Variants in CNNM1 observed in about 807,000 individuals in gnomAD.
CNNM1 encodes metal transporter CNNM1.
In CNNM1, 44 loss-of-function variants were observed where a neutral mutation model predicts 78.8. That is an observed-to-expected ratio of 0.56 (90% CI 0.44 to 0.72). CNNM1 has a LOEUF of 0.72. Among genes scored for constraint, CNNM1 ranks in the 30% least tolerant of loss-of-function variants. The pLI is 0.00. For missense variants in CNNM1, 1,101 were observed against 1,292.2 expected (o/e 0.85, Z 2.27); for synonymous variants, 584 against 581.5 (o/e 1.00, Z -0.06).
intron 1 of CNNM1, among the ~76,000 whole-genome samples, chr10:99,335,208 A>G (rs1213516737): frequency 2.6e-5 from 4 of 152,228 alleles, no homozygotes; most frequent in African/African-American, 9.6e-5. Context: ...AAACATTTCT[A>G]TATACCTTCT....
rs762049704 is a variant in CNNM1 at position 99,330,638 on chromosome 10, C to A, written c.1251C>A (p.Ile417=). 3.7e-6 allele frequency: 6 copies of A among 1,613,952 alleles called. No individual in the cohort carries two copies. The highest frequency in any genetic ancestry group is 5.1e-6 in the Non-Finnish European group (6 of 1,179,872). ...YSDLVKEELN[I]IQGALELRTK... is the part of the protein sequence containing the mutation. ...ACCTGGTGAAGGAGGAGCTCAACAT[C>A]ATACAGGGTGCCCTGGAGCTGCGCA... The change falls in exon 1 of 11, where the codon ATC becomes ATA. Residue 417 remains isoleucine (I), a synonymous_variant. Transcript: ENST00000356713.
At chr10:99,365,419 G>C (rs41444048) in intron 6 of CNNM1, among the ~76,000 whole-genome samples, 8,476 of 152,284 alleles carry the variant, frequency 0.056, 798 homozygotes, top group African/African-American at 0.19. Context: ...TCCTCAGTAA[G>C]AAGTGACTGC....
At chr10:99,330,994 A>G in intron 1 of CNNM1, 34 bp downstream of exon 1, 2 of 1,566,374 alleles carry the variant, frequency 1.3e-6, no homozygotes, top group Non-Finnish European at 1.7e-6. Context: ...CCCAACTCCT[A>G]TCCCCTTCAA....
At chr10:99,382,354 G>A (rs1384353051) in intron 7 of CNNM1, among the ~76,000 whole-genome samples, 7 of 152,178 alleles carry the variant, frequency 4.6e-5, no homozygotes, top group African/African-American at 1.4e-4. Context: ...AGACTACTTG[G>A]CAGATGTCTT....
At chr10:99,377,284 A>G (rs536553372) in intron 7 of CNNM1, 66 bp downstream of exon 7, 3 of 1,465,526 alleles carry the variant, frequency 2.0e-6, no homozygotes, top group South Asian at 2.4e-5. Flanking sequence ...GAGCGGGACA[A>G]GAAGACTACC....
At position 99,387,827 on chromosome 10, in the gene CNNM1, G is replaced by A. The variant is rs773406371; in HGVS notation, c.2348G>A (p.Arg783Gln). The change falls in exon 8 of 11, where the codon CGG (arginine) becomes CAG (glutamine). Residue 783 changes from arginine (R) to glutamine (Q), a missense_variant. This residue lies in a region of CNNM1 where 348 missense variants were observed against 384.5 expected (regional missense o/e 0.90). Coordinates refer to ENST00000356713, the MANE Select transcript of CNNM1 (RefSeq NM_020348.3). The part of the protein sequence containing the change: ...LSDVQFVKIT[R>Q]QQYQNALTAC... ...CTGCCCTCTTCCTTCCAGATCACAC[G>A]GCAGCAATATCAGAACGCACTCACT... is the stretch of plus-strand genomic sequence containing the variant. The A allele has an allele frequency of 4.4e-6, 7 of 1,598,668 alleles. No homozygotes were observed. The highest frequency in any genetic ancestry group is 2.2e-5 in the East Asian group (1 of 44,720).
At position 99,387,905 on chromosome 10, in the gene CNNM1, A is replaced by G; in HGVS notation, c.2426A>G (p.Asp809Gly). The stretch of plus-strand genomic sequence containing the variant: ...TCCCCTGACATGGAGGCCTTCACAG[A>G]CGGGGACTCCACTAAGGCCCCCACA... ...PQSPDMEAFT[D>G]GDSTKAPTTR... Residue 809 changes from aspartate to glycine, a missense_variant, in exon 8 of 11, where the codon GAC becomes GGC. Physicochemically the swap from Asp to Gly is moderately conservative, Grantham distance 94. Around this residue, in one of 3 missense-constraint regions of CNNM1, gnomAD observed 348 missense variants for 384.5 expected, o/e 0.90. Transcript: ENST00000356713. 6.2e-7 allele frequency: 1 copy of G among 1,613,762 alleles called. No homozygotes were observed. The highest frequency in any genetic ancestry group is 8.5e-7 in the Non-Finnish European group (1 of 1,179,816).
rs532854556 is a variant in CNNM1, at chr10:99,373,549, A to G, written c.2177-3506A>G. Among the ~76,000 whole-genome samples the G allele has an allele frequency of 1.4e-3, 211 of 152,346 alleles. 1 individual carries two copies. The highest frequency in any genetic ancestry group is 4.9e-3 in the African/African-American group (202 of 41,590). On this transcript the variant is annotated intron_variant, in intron 6 of 10. Coordinates refer to ENST00000356713, the MANE Select transcript of CNNM1 (RefSeq NM_020348.3). ...AATGGGTCTGGCCAAGCCAGAACTC[A>G]TCAATTTGCTTTCTCTTTTCTTCTT... is the stretch of plus-strand genomic sequence containing the variant.
rs566656565 is a variant in CNNM1, at chr10:99,369,658, T to C, written c.2176+4656T>C. ...ACCATCTGGTCCTCATGTTGATCTA[T>C]ACAAGATAAGTTAACCACCTTCTCA... On this transcript the variant is annotated intron_variant, in intron 6 of 10. Coordinates refer to ENST00000356713, the MANE Select transcript of CNNM1 (RefSeq NM_020348.3). 2.7e-4 allele frequency among the ~76,000 whole-genome samples: 41 copies of C among 152,332 alleles called. No individual in the cohort carries two copies. The South Asian group carries it at 8.5e-3, about 32-fold the overall frequency.
At chr10:99,344,201 G>A (rs1279134338) in intron 1 of CNNM1, among the ~76,000 whole-genome samples, 5 of 151,774 alleles carry the variant, frequency 3.3e-5, no homozygotes, top group East Asian at 2.0e-4. Context: ...GCATGATGGC[G>A]GGTGCCTGTA....
intron 1 of CNNM1, among the ~76,000 whole-genome samples, chr10:99,338,970 ACTC>A (rs2134017382): frequency 6.6e-6 from 1 of 152,236 alleles, no homozygotes; most frequent in African/African-American, 2.4e-5. Flanking sequence ...TAAATTTACT[ACTC>A]TATTATTGGA....
chr10:99,347,319 A>G (rs2862604), intron 1 of CNNM1, among the ~76,000 whole-genome samples: 127,770 of 151,818 alleles, frequency 0.84, 54,036 homozygotes, highest in African/African-American at 0.9. Context: ...AGGAGTTCAA[A>G]ACTAACCTGG....
Position 99,364,434 on chromosome 10 carries a change from G to A in CNNM1, c.2046G>A (p.Glu682=). The A allele has an allele frequency of 6.2e-7, 1 of 1,611,602 alleles. No individual in the cohort carries two copies. Reference sequence around the variant, plus strand: ...TTTTCCAGGGTAAAGTGGAGGTGGAGGTTGGTAAGGAAGGCCTTCGCTTTG... The same window carrying A: ...TTTTCCAGGGTAAAGTGGAGGTGGAAGTTGGTAAGGAAGGCCTTCGCTTTG... ...VLLLQGKVEV[E]VGKEGLRFEN... is the part of the protein sequence containing the mutation. Residue 682 remains glutamate (E), a synonymous_variant, in exon 5 of 11, where the codon GAG becomes GAA. Coordinates refer to ENST00000356713, the MANE Select transcript of CNNM1 (RefSeq NM_020348.3).
intron 7 of CNNM1, among the ~76,000 whole-genome samples, chr10:99,379,640 A>AT (rs11305524): frequency 1.1e-3 from 132 of 119,718 alleles, no homozygotes; most frequent in Middle Eastern, 4.3e-3. Flanking sequence ...GTGTGGCGGG[A>AT]TTTTTTTTTT....
chr10:99,357,461 G>A (rs1206653707), intron 1 of CNNM1, 51 bp from the exon 2 acceptor site: 2 of 1,563,372 alleles, frequency 1.3e-6, no homozygotes, highest in Admixed American at 1.8e-5. Context: ...CACAAAAAAA[G>A]ATCTCTGAAA....
At chr10:99,340,060 A>G (rs1210624504) in intron 1 of CNNM1, among the ~76,000 whole-genome samples, 3 of 152,254 alleles carry the variant, frequency 2.0e-5, no homozygotes, top group Non-Finnish European at 4.4e-5. Flanking sequence ...TTTCTAAACA[A>G]TAGAGCAAAC....
chr10:99,373,851 C>T (rs1274046053), intron 6 of CNNM1, among the ~76,000 whole-genome samples: 2 of 152,176 alleles, frequency 1.3e-5, no homozygotes, highest in Non-Finnish European at 2.9e-5. Context: ...CCTCTATTTC[C>T]ATCCATGTTG....
intron 7 of CNNM1, among the ~76,000 whole-genome samples, chr10:99,384,815 C>G (rs1013916643): frequency 6.6e-6 from 1 of 152,072 alleles, no homozygotes; most frequent in Non-Finnish European, 1.5e-5. Flanking sequence ...CCTGTAATCC[C>G]AGCACTTTGG....
At chr10:99,361,074 G>A (rs1481503942) in intron 3 of CNNM1, 99 bp downstream of exon 3, 2 of 1,312,006 alleles carry the variant, frequency 1.5e-6, no homozygotes, top group African/African-American at 3.0e-5. Flanking sequence ...ATTCCAGTGT[G>A]CTGTCAGGAC....
Sources: allele counts gnomAD v4.1 joint callset (sites outside exome capture counted in the v4.1 genomes callset), GRCh38; gene constraint gnomAD v4.1.1; regional missense constraint gnomAD v4.1.1; transcripts MANE v1.5; gene names NCBI Gene and HGNC (gene_info 2026-07-23, HGNC 2026-07-21).